The following ST6GAL1 variants were observed in gnomAD, a reference collection of about 807,000 sequenced individuals.
The protein encoded by ST6GAL1 is beta-galactoside alpha-2,6-sialyltransferase 1.
ST6GAL1 carries 20 observed loss-of-function variants against 38.0 expected under a neutral mutation model. That is an observed-to-expected ratio of 0.53 (90% CI 0.37 to 0.77). The LOEUF (loss-of-function observed/expected upper bound fraction) is 0.77, where lower values mean the gene tolerates loss of function less well. Ranked by LOEUF, ST6GAL1 falls within the 30% of genes least tolerant of loss-of-function variation. The pLI, the probability that ST6GAL1 is intolerant of heterozygous loss-of-function variation, is 0.00. For synonymous variants in ST6GAL1, 196 were observed against 188.2 expected (o/e 1.04, Z -0.34); for missense variants, 432 against 496.4 (o/e 0.87, Z 1.23).
intron 1 of ST6GAL1, among the ~76,000 whole-genome samples, chr3:186,945,945 C>A (rs1348189266): frequency 7.0e-6 from 1 of 142,238 alleles, no homozygotes; most frequent in Admixed American, 7.5e-5. Context: ...GAGCCGAGAT[C>A]GCGCCACTGC....
At chr3:187,023,001 A>G (rs572420017) in intron 2 of ST6GAL1, among the ~76,000 whole-genome samples, 1 of 152,236 alleles carries the variant, frequency 6.6e-6, no homozygotes, top group African/African-American at 2.4e-5. Flanking sequence ...TTTTACCTTA[A>G]TGCTGGTCAC....
chr3:186,948,229 C>T (rs1036621431), intron 1 of ST6GAL1, among the ~76,000 whole-genome samples: 3 of 152,138 alleles, frequency 2.0e-5, no homozygotes, highest in Non-Finnish European at 4.4e-5. Context: ...GCTGCCACGC[C>T]GGCAGGCCCT....
intron 5 of ST6GAL1, among the ~76,000 whole-genome samples, chr3:187,065,005 C>CTT (rs58334319): frequency 7.2e-6 from 1 of 139,294 alleles, no homozygotes. Flanking sequence ...TCTTCTTTTT[C>CTT]TTTTTTTTTT....
At chr3:187,019,449 G>A (rs1299104529) in intron 2 of ST6GAL1, among the ~76,000 whole-genome samples, 1 of 152,080 alleles carries the variant, frequency 6.6e-6, no homozygotes, top group Middle Eastern at 3.2e-3. Flanking sequence ...ACATTTCTTT[G>A]CCAATAACTA....
chr3:187,049,212 G>A (rs1337787247), intron 4 of ST6GAL1, among the ~76,000 whole-genome samples: 1 of 152,164 alleles, frequency 6.6e-6, no homozygotes, highest in Admixed American at 6.5e-5. Flanking sequence ...ATTTTGAACT[G>A]CGTTAATTGG....
chr3:186,997,545 CAGG>C (rs2108550406), intron 2 of ST6GAL1, among the ~76,000 whole-genome samples: 1 of 152,072 alleles, frequency 6.6e-6, no homozygotes, highest in South Asian at 2.1e-4. Context: ...TGCTTGAGTC[CAGG>C]AGTTTGAGCC....
intron 2 of ST6GAL1, chr3:187,038,426 T>G (rs1718013886): frequency 6.6e-6 from 1 of 152,038 alleles, no homozygotes. Context: ...GCCAAGATGG[T>G]CTTGATCTCC....
At chr3:187,072,784 A>G (rs751591304) in intron 5 of ST6GAL1, 65 bp from the exon 6 acceptor site, 2 of 1,407,766 alleles carry the variant, frequency 1.4e-6, no homozygotes. Context: ...TATGTCAGCT[A>G]TTACTTCATG....
chr3:186,945,854 GGT>G (rs1714341869), intron 1 of ST6GAL1, among the ~76,000 whole-genome samples: 3 of 151,744 alleles, frequency 2.0e-5, no homozygotes, highest in African/African-American at 7.3e-5. Context: ...AGCCAGGCGT[GGT>G]GGTGGGCACC....
intron 2 of ST6GAL1, among the ~76,000 whole-genome samples, chr3:186,966,162 C>A (rs139506582): frequency 1.3e-5 from 2 of 152,084 alleles, no homozygotes; most frequent in South Asian, 4.2e-4. Context: ...GGCCTCCCAA[C>A]GTGCTGGGAT....
At chr3:187,016,708 C>T (rs1717128377) in intron 2 of ST6GAL1, among the ~76,000 whole-genome samples, 1 of 152,070 alleles carries the variant, frequency 6.6e-6, no homozygotes, top group African/African-American at 2.4e-5. Context: ...ATGTGAAAAC[C>T]CCCAGAGAAC....
chr3:187,010,139 A>T (rs1200690025), intron 2 of ST6GAL1, among the ~76,000 whole-genome samples: 1 of 152,192 alleles, frequency 6.6e-6, no homozygotes, highest in African/African-American at 2.4e-5. Flanking sequence ...GGCTGACATA[A>T]AACTGCAGTC....
In ST6GAL1 at chr3:187,014,910, C is replaced by T. The variant is rs755620317; in HGVS notation, c.-182-23832C>T. On this transcript the variant is annotated intron_variant, in intron 2 of 7. Coordinates refer to ENST00000169298, the MANE Select transcript of ST6GAL1 (RefSeq NM_173216.2). ...ACATGACAAAATCACACACATGCCA[C>T]CAGAGCACATAATTCCCCCTTACAC... is the stretch of plus-strand genomic sequence containing the variant. Among the ~76,000 whole-genome samples, 3 of 152,264 alleles carry T rather than the reference C, an allele frequency of 2.0e-5. No homozygotes were observed. The East Asian group carries it at 5.8e-4, about 29-fold the overall frequency.
chr3:186,992,131 G>C (rs1716193445), intron 2 of ST6GAL1, among the ~76,000 whole-genome samples: 1 of 152,126 alleles, frequency 6.6e-6, no homozygotes, highest in Admixed American at 6.5e-5. Flanking sequence ...GATATGGTTT[G>C]GCTGTGTCCC....
intron 2 of ST6GAL1, among the ~76,000 whole-genome samples, chr3:186,967,462 G>T (rs535958043): frequency 6.6e-6 from 1 of 152,330 alleles, no homozygotes; most frequent in East Asian, 1.9e-4. Context: ...AAAGTGCCGG[G>T]ATTACAAGTG....
chr3:186,984,095 C>T lies in ST6GAL1; in HGVS notation c.-183+20169C>T, dbSNP rs144748724. ...CTTTTTCCATTAAAGTAGCACCATC[C>T]GTCTAGTTGCTTGGGCTCCAACCCT... On this transcript the variant is annotated intron_variant, in intron 2 of 7. Transcript: ENST00000169298. 4.5e-4 allele frequency among the ~76,000 whole-genome samples: 69 copies of T among 152,264 alleles called. No homozygotes were observed. The East Asian group carries it at 0.012, about 27-fold the overall frequency.
intron 2 of ST6GAL1, among the ~76,000 whole-genome samples, chr3:186,985,261 T>A (rs1028530987): frequency 1.2e-4 from 18 of 152,098 alleles, no homozygotes; most frequent in African/African-American, 4.1e-4. Context: ...TAGCATCTTT[T>A]AAGATACCAA....
chr3:186,993,658 C>T (rs1716261291), intron 2 of ST6GAL1, among the ~76,000 whole-genome samples: 2 of 151,834 alleles, frequency 1.3e-5, no homozygotes, highest in Admixed American at 6.6e-5. Context: ...TAAAGCCCTT[C>T]TTTCCAACCA....
At chr3:186,986,861 T>A (rs1715941932) in intron 2 of ST6GAL1, 2 of 152,120 alleles carry the variant, frequency 1.3e-5, no homozygotes, top group South Asian at 4.1e-4. Flanking sequence ...ATTTAAATGA[T>A]CTAAGGTCAT....
Sources: gnomAD v4.1 joint callset for allele counts (sites outside exome capture counted in the v4.1 genomes callset) on GRCh38, gnomAD v4.1.1 for gene constraint, MANE v1.5 for transcripts, NCBI Gene and HGNC (gene_info 2026-07-23, HGNC 2026-07-21) for gene names.